The following ADAMTSL1 variants were observed in gnomAD, a reference collection of about 807,000 sequenced individuals.
ADAMTSL1 encodes ADAMTS-like protein 1.
In ADAMTSL1, 126 loss-of-function variants were observed where a neutral mutation model predicts 201.8. The ratio of observed to expected loss-of-function variants is 0.62; its 90% CI spans 0.54 to 0.72. ADAMTSL1 has a LOEUF of 0.72. Ranked by LOEUF, ADAMTSL1 falls within the 30% of genes least tolerant of loss-of-function variation. The probability of loss-of-function intolerance (pLI) is 0.00; values close to 1 mark genes in which losing one functional copy is unlikely to be tolerated. For missense variants in ADAMTSL1, 2,679 were observed against 2,277.8 expected, an observed-to-expected ratio of 1.18 and a Z score of -3.59; for synonymous variants, 1,121 against 903.4, an observed-to-expected ratio of 1.24 and a Z score of -4.32.
chr9:18,176,428 A>C (rs1167334925), intron 2 of ADAMTSL1, among the ~76,000 whole-genome samples: 1 of 152,208 alleles, frequency 6.6e-6, no homozygotes, highest in East Asian at 1.9e-4. Context: ...TAACAATAAT[A>C]ATAATTATAG....
chr9:18,562,041 T>C (rs1233334610), intron 3 of ADAMTSL1, among the ~76,000 whole-genome samples: 1 of 152,218 alleles, frequency 6.6e-6, no homozygotes, highest in Non-Finnish European at 1.5e-5. Flanking sequence ...AATATTGTTA[T>C]GTGTGAATCT....
At chr9:18,850,220 C>G (rs1826402916) in intron 23 of ADAMTSL1, among the ~76,000 whole-genome samples, 2 of 152,186 alleles carry the variant, frequency 1.3e-5, no homozygotes, top group South Asian at 4.1e-4. Flanking sequence ...ACACAATTCC[C>G]AGGCCCATGT....
intron 4 of ADAMTSL1, among the ~76,000 whole-genome samples, chr9:18,575,454 G>A (rs1050625337): frequency 1.3e-5 from 2 of 152,134 alleles, no homozygotes; most frequent in African/African-American, 4.8e-5. Context: ...GCTAGAAAGG[G>A]CCTTAGAGTT....
intron 2 of ADAMTSL1, among the ~76,000 whole-genome samples, chr9:18,199,279 A>C (rs1829330096): frequency 6.6e-6 from 1 of 152,106 alleles, no homozygotes; most frequent in South Asian, 2.1e-4. Context: ...AAAAGAAAAA[A>C]AGTACGGCTT....
chr9:18,253,357 T>C (rs1381258136), intron 2 of ADAMTSL1, among the ~76,000 whole-genome samples: 1 of 152,222 alleles, frequency 6.6e-6, no homozygotes, highest in Non-Finnish European at 1.5e-5. Flanking sequence ...TTGAAGATTT[T>C]CTTGGTAACA....
At chr9:18,361,425 A>G (rs552860455) in intron 2 of ADAMTSL1, among the ~76,000 whole-genome samples, 53 of 152,188 alleles carry the variant, frequency 3.5e-4, no homozygotes, top group Non-Finnish European at 6.6e-4. Context: ...TAATACTTAT[A>G]TGATTCCTTT....
intron 14 of ADAMTSL1, among the ~76,000 whole-genome samples, chr9:18,715,347 T>A (rs1178839967): frequency 1.3e-5 from 2 of 152,118 alleles, no homozygotes; most frequent in East Asian, 3.9e-4. Flanking sequence ...CCCCATTGTC[T>A]CAGCCCAAAA....
intron 13 of ADAMTSL1, among the ~76,000 whole-genome samples, chr9:18,688,968 C>T (rs1414730047): frequency 6.6e-6 from 1 of 151,752 alleles, no homozygotes; most frequent in Non-Finnish European, 1.5e-5. Flanking sequence ...TATGTCATTT[C>T]GAATTTCCCT....
rs148070170 is a variant in ADAMTSL1, at chr9:18,273,648, T to C, written c.207+109667T>C. Among the ~76,000 whole-genome samples the C allele has an allele frequency of 7.2e-3, 1,101 of 152,258 alleles. 5 individuals are homozygous for C. Among genetic ancestry groups the C allele is most frequent in the Non-Finnish European group, 0.011 (744 of 68,010 alleles). ...TTATTCTACCACTGAGAGTGTCAAG[T>C]GTGGTACCATTAGGATGGCAATTTT... is the stretch of plus-strand genomic sequence containing the variant. On this transcript the variant is annotated intron_variant, in intron 2 of 29. Coordinates refer to the ADAMTSL1 transcript ENST00000680146.
At chr9:18,314,742 G>A (rs928285452) in intron 2 of ADAMTSL1, among the ~76,000 whole-genome samples, 10 of 147,164 alleles carry the variant, frequency 6.8e-5, no homozygotes, top group African/African-American at 2.5e-4. Flanking sequence ...AGCGTGGAAG[G>A]GGACCCCAGT....
At chr9:18,593,717 C>A (rs1358567344) in intron 4 of ADAMTSL1, among the ~76,000 whole-genome samples, 1 of 151,846 alleles carries the variant, frequency 6.6e-6, no homozygotes, top group Non-Finnish European at 1.5e-5. Context: ...GTATAGTTTC[C>A]AAAATTCCTC....
intron 4 of ADAMTSL1, among the ~76,000 whole-genome samples, chr9:18,577,540 T>C (rs1822811711): frequency 6.6e-6 from 1 of 152,170 alleles, no homozygotes; most frequent in African/African-American, 2.4e-5. Flanking sequence ...ACGAGCTGTG[T>C]AATCTTGGTC....
intron 1 of ADAMTSL1, among the ~76,000 whole-genome samples, chr9:17,949,280 G>T (rs1170494429): frequency 1.3e-5 from 2 of 152,140 alleles, no homozygotes; most frequent in African/African-American, 4.8e-5. Flanking sequence ...AGTCTCCCAG[G>T]GACAGAGTCA....
chr9:18,865,302 G>C (rs1417436514), intron 23 of ADAMTSL1, among the ~76,000 whole-genome samples: 1 of 151,026 alleles, frequency 6.6e-6, no homozygotes. Flanking sequence ...TTGGTTTTTT[G>C]TCCTTGCAAT....
At chr9:18,654,345 T>C (rs1321599383) in intron 7 of ADAMTSL1, among the ~76,000 whole-genome samples, 2 of 152,224 alleles carry the variant, frequency 1.3e-5, no homozygotes, top group African/African-American at 2.4e-5. Context: ...AACTGGCAGA[T>C]GTATATAAAA....
intron 16 of ADAMTSL1, among the ~76,000 whole-genome samples, chr9:18,762,837 CT>C (rs1162523800): frequency 1.3e-5 from 2 of 152,132 alleles, no homozygotes; most frequent in Non-Finnish European, 2.9e-5. Context: ...GGATCTCATT[CT>C]TTTTATGTTT....
chr9:18,844,848 C>T (rs369495581), intron 23 of ADAMTSL1, among the ~76,000 whole-genome samples: 165 of 152,242 alleles, frequency 1.1e-3, no homozygotes, highest in Middle Eastern at 3.4e-3. Flanking sequence ...GAGCCATGTG[C>T]GGGATATAAT....
intron 2 of ADAMTSL1, among the ~76,000 whole-genome samples, chr9:18,285,793 A>G (rs981739958): frequency 1.3e-5 from 2 of 152,030 alleles, no homozygotes; most frequent in African/African-American, 2.4e-5. Flanking sequence ...CAATATTAGA[A>G]TTTTTGCTGT....
chr9:18,447,421 A>G (rs1421758304), intron 2 of ADAMTSL1, among the ~76,000 whole-genome samples: 1 of 152,180 alleles, frequency 6.6e-6, no homozygotes, highest in Non-Finnish European at 1.5e-5. Flanking sequence ...CCTTGGTGTC[A>G]TTACTCATTG....
Sources: gnomAD v4.1 joint callset for allele counts (sites outside exome capture counted in the v4.1 genomes callset) on GRCh38, gnomAD v4.1.1 for gene constraint, MANE v1.5 for transcripts, NCBI Gene and HGNC (gene_info 2026-07-23, HGNC 2026-07-21) for gene names.